The following DOCK11 variants were observed in gnomAD, a reference collection of about 807,000 sequenced individuals.
DOCK11 encodes dedicator of cytokinesis protein 11.
In DOCK11, 70 loss-of-function variants were observed where a neutral mutation model predicts 169.1. The ratio of observed to expected loss-of-function variants is 0.41; its 90% confidence interval spans 0.34 to 0.51. The LOEUF (loss-of-function observed/expected upper bound fraction) is 0.51, where lower values mean the gene tolerates loss of function less well. Among genes scored for constraint, DOCK11 ranks in the 20% least tolerant of loss-of-function variants. The pLI is 0.10. For missense variants in DOCK11, 1,166 were observed against 1,538.8 expected, an observed-to-expected ratio of 0.76 and a Z score of 4.05; for synonymous variants, 529 against 541.3, an observed-to-expected ratio of 0.98 and a Z score of 0.32.
intron 27 of DOCK11, among the ~76,000 whole-genome samples, chrX:118,609,670 T>C (rs1173555188): frequency 8.9e-6 from 1 of 112,390 alleles, no homozygotes; most frequent in Non-Finnish European, 1.9e-5. Context: ...CTTTGTCTTA[T>C]GGCTTAAAAA....
At chrX:118,586,449 T>A (rs183656101) in intron 16 of DOCK11, among the ~76,000 whole-genome samples, 2 of 110,465 alleles carry the variant, frequency 1.8e-5, no homozygotes, top group African/African-American at 6.6e-5. Context: ...AACCATCAGA[T>A]CTCATGAGAA....
intron 6 of DOCK11, among the ~76,000 whole-genome samples, chrX:118,549,325 A>G (rs1200899498): frequency 9.2e-6 from 1 of 108,125 alleles, no homozygotes; most frequent in Non-Finnish European, 1.9e-5. Context: ...TTGTATTTTT[A>G]TTAGAGACGG....
intron 44 of DOCK11, among the ~76,000 whole-genome samples, chrX:118,660,946 G>C (rs138040854): frequency 1.8e-5 from 2 of 110,287 alleles, no homozygotes; most frequent in Admixed American, 9.6e-5. Flanking sequence ...AGTGGCTCAC[G>C]CCTATAATCT....
intron 20 of DOCK11, among the ~76,000 whole-genome samples, chrX:118,593,651 T>A (rs1415891105): frequency 1.8e-5 from 2 of 110,984 alleles, no homozygotes; most frequent in Non-Finnish European, 3.8e-5. Context: ...CCAGATCTCG[T>A]GAGACTTATT....
rs778367968 is a variant in DOCK11, at chrX:118,651,941, A to G, written c.4582-23A>G. Reference sequence around the variant, plus strand: ...CATTTGTTCAAAAGTTATTTGGAAAATAATATTTACTTCTTCCCACAGATA... The same window carrying G: ...CATTTGTTCAAAAGTTATTTGGAAAGTAATATTTACTTCTTCCCACAGATA... On this transcript the variant is annotated intron_variant, in intron 41 of 52. Transcript: ENST00000276202. The G allele has an allele frequency of 5.5e-6, 6 of 1,098,780 alleles. No homozygotes were observed. In the African/African-American group the frequency reaches 9.1e-5, roughly 17 times the overall value. The allele number at this position is 1,098,780 out of a possible 1,213,427, so 90.6% of individuals were successfully genotyped here. A position where few individuals can be genotyped will look rare whatever the true frequency, so the allele number is the denominator to read the frequency against.
intron 19 of DOCK11, among the ~76,000 whole-genome samples, chrX:118,591,513 A>G (rs1321275614): frequency 1.8e-5 from 2 of 110,009 alleles, no homozygotes; most frequent in African/African-American, 6.6e-5. Context: ...AAACTTGATC[A>G]TGTAGTAAGT....
At chrX:118,673,467 A>G (rs1170423685) in intron 46 of DOCK11, among the ~76,000 whole-genome samples, 2 of 111,568 alleles carry the variant, frequency 1.8e-5, no homozygotes, top group Non-Finnish European at 3.8e-5. Flanking sequence ...ACAAGATCCA[A>G]TCTCAAAACA....
chrX:118,603,221 G>A (rs1442965810), intron 23 of DOCK11, among the ~76,000 whole-genome samples: 1 of 112,865 alleles, frequency 8.9e-6, no homozygotes, highest in Non-Finnish European at 1.9e-5. Flanking sequence ...AGACCGTGTA[G>A]CTATAGTACA....
At position 118,647,530 on chromosome X, in the gene DOCK11, A is replaced by T. The variant is rs866210911; in HGVS notation, c.4399-1415A>T. On this transcript the variant is annotated intron_variant, in intron 40 of 52. Coordinates refer to ENST00000276202, the MANE Select transcript of DOCK11 (RefSeq NM_144658.4). ...TATATAATAATATAATATATAATAT[A>T]ATATTATATATTATATATGTTATTA... 1.6e-4 allele frequency among the ~76,000 whole-genome samples: 11 copies of T among 67,307 alleles called. No homozygotes were observed. In the South Asian group the frequency reaches 4.8e-3, roughly 30 times the overall value. The allele number at this position is 67,307 out of a possible 115,157, so 58.4% of individuals were successfully genotyped here. A position where few individuals can be genotyped will look rare whatever the true frequency, so the allele number is the denominator to read the frequency against.
intron 41 of DOCK11, 86 bp downstream of exon 41, chrX:118,649,213 C>A: frequency 1.3e-6 from 1 of 786,561 alleles, no homozygotes; most frequent in Non-Finnish European, 1.8e-6. Context: ...CCAATCCAGT[C>A]CAATACAATG....
intron 32 of DOCK11, 121 bp downstream of exon 32, chrX:118,624,776 T>C: frequency 2.3e-6 from 1 of 427,929 alleles, no homozygotes; most frequent in South Asian, 3.9e-5. Context: ...TTTTTTTTTT[T>C]GAGCCAGAGT....
chrX:118,559,251 T>C (rs1360262480), intron 6 of DOCK11, among the ~76,000 whole-genome samples: 1 of 111,982 alleles, frequency 8.9e-6, no homozygotes, highest in East Asian at 2.8e-4. Context: ...ATAATTTGAC[T>C]GTATGCCACA....
At chrX:118,676,205 C>T (rs974065742) in intron 47 of DOCK11, among the ~76,000 whole-genome samples, 156 bp downstream of exon 47, 1 of 112,144 alleles carries the variant, frequency 8.9e-6, no homozygotes, top group Admixed American at 9.5e-5. Flanking sequence ...GTTCTCATAT[C>T]TAAACCCTTC....
At position 118,573,972 on chromosome X, in the gene DOCK11, C is replaced by T; in HGVS notation, c.1343C>T (p.Ser448Phe). 1 of 1,212,114 alleles carries T rather than the reference C, an allele frequency of 8.3e-7. No homozygotes were observed. Among genetic ancestry groups the T allele is most frequent in the Non-Finnish European group, 1.1e-6 (1 of 895,601 alleles). Reference sequence around the variant, plus strand: ...AGCCCAAAGGGCTCTTCACCCGAATCTTACATTCATGGAATTGCCGAATCT... The same window carrying T: ...AGCCCAAAGGGCTCTTCACCCGAATTTTACATTCATGGAATTGCCGAATCT... ...DGSPKGSSPE[S>F]YIHGIAESQL... is the part of the protein sequence containing the mutation. Residue 448 changes from serine to phenylalanine, a missense_variant, in exon 12 of 53, where the codon TCT (serine) becomes TTT (phenylalanine). Coordinates refer to ENST00000276202, the MANE Select transcript of DOCK11 (RefSeq NM_144658.4).
chrX:118,598,394 TA>T (rs35643381), intron 22 of DOCK11, among the ~76,000 whole-genome samples: 4,718 of 95,888 alleles, frequency 0.049, 108 homozygotes, highest in Admixed American at 0.071. Flanking sequence ...CCCTGTCTCT[TA>T]AAAAAAAAAA....
chrX:118,647,139 A>ATGTGTGTGTGTG (rs200211345), intron 40 of DOCK11, among the ~76,000 whole-genome samples: 1 of 85,505 alleles, frequency 1.2e-5, no homozygotes, highest in African/African-American at 4.1e-5. Context: ...TGAAGAGGAT[A>ATGTGTGTGTGTG]TGTGTGTGTG....
intron 14 of DOCK11, among the ~76,000 whole-genome samples, chrX:118,583,044 G>T (rs1320179218): frequency 8.9e-6 from 1 of 112,132 alleles, no homozygotes; most frequent in Non-Finnish European, 1.9e-5. Context: ...GTCCAACAAT[G>T]ATGACTGGAT....
intron 37 of DOCK11, among the ~76,000 whole-genome samples, chrX:118,638,787 C>T (rs1412799146): frequency 9.0e-6 from 1 of 111,512 alleles, no homozygotes; most frequent in African/African-American, 3.3e-5. Flanking sequence ...CAATTTCAAC[C>T]ATGTTTTCCC....
chrX:118,655,963 C>A (rs1455843236), intron 44 of DOCK11, among the ~76,000 whole-genome samples: 3 of 111,650 alleles, frequency 2.7e-5, no homozygotes, highest in Admixed American at 9.5e-5. Context: ...GTTTGATTGC[C>A]TCATATAACA....
Sources: allele counts gnomAD v4.1 joint callset (sites outside exome capture counted in the v4.1 genomes callset), GRCh38; gene constraint gnomAD v4.1.1; transcripts MANE v1.5; gene names NCBI Gene and HGNC (gene_info 2026-07-23, HGNC 2026-07-21).